TSEN15: variants seen among roughly 807,000 people sequenced by gnomAD.
TSEN15 encodes tRNA-splicing endonuclease subunit Sen15.
TSEN15 carries 10 observed loss-of-function variants against 20.5 expected under a neutral mutation model. The observed-to-expected ratio is 0.49, with a 90% CI of 0.30 to 0.83. The LOEUF is 0.83. Among genes scored for constraint, TSEN15 ranks in the 40% least tolerant of loss-of-function variants. TSEN15 has a pLI of 0.06. For synonymous variants in TSEN15, 72 were observed against 80.1 expected (o/e 0.90, Z 0.54); for missense variants, 180 against 218.6 (o/e 0.82, Z 1.11).
At chr1:184,062,545 G>A (rs930560134) in intron 3 of TSEN15, among the ~76,000 whole-genome samples, 1 of 151,990 alleles carries the variant, frequency 6.6e-6, no homozygotes. Context: ...ACCACCTTGG[G>A]TCCATTGGTA....
At chr1:184,085,370 C>A (rs922969904) in intron 3 of TSEN15, among the ~76,000 whole-genome samples, 3 of 152,148 alleles carry the variant, frequency 2.0e-5, no homozygotes, top group Admixed American at 1.3e-4. Context: ...GATATAAGGA[C>A]CTTATTTTGT....
chr1:184,063,885 T>TA (rs1212924349), intron 3 of TSEN15, among the ~76,000 whole-genome samples: 5 of 152,262 alleles, frequency 3.3e-5, no homozygotes, highest in African/African-American at 1.2e-4. Context: ...TACCCATCAC[T>TA]AAAAATGTTA....
chr1:184,067,202 T>A (rs535174734), intron 3 of TSEN15, among the ~76,000 whole-genome samples: 4 of 152,308 alleles, frequency 2.6e-5, no homozygotes, highest in Non-Finnish European at 4.4e-5. Context: ...ACCCTGTCAA[T>A]TCCTTAAAAT....
downstream of TSEN15, among the ~76,000 whole-genome samples, chr1:184,077,205 C>T (rs1189340696): frequency 1.3e-5 from 2 of 152,040 alleles, no homozygotes; most frequent in African/African-American, 4.8e-5. Context: ...AGCCAATGTT[C>T]ATTTACCATT....
At chr1:184,076,227 TTC>T (rs1251030648), downstream of TSEN15, among the ~76,000 whole-genome samples, 1 of 152,136 alleles carries the variant, frequency 6.6e-6, no homozygotes, top group Non-Finnish European at 1.5e-5. Flanking sequence ...TTTCATGTCT[TTC>T]TGTCATATTT....
At position 184,080,845 on chromosome 1, in the gene TSEN15, G is replaced by A. The variant is rs77554647; in HGVS notation, c.354-14845G>A. The stretch of plus-strand genomic sequence containing the variant: ...AAGACCATTGCACCTCAATGATCTT[G>A]CACCCCAAGTATTCCTCAGATCTGC... On this transcript the variant is annotated intron_variant, in intron 3 of 3. Coordinates refer to the TSEN15 transcript ENST00000643231. Among the ~76,000 whole-genome samples, 1,128 of 152,164 alleles carry A rather than the reference G, an allele frequency of 7.4e-3. 8 individuals carry two copies. The highest frequency in any genetic ancestry group is 0.025 in the African/African-American group (1,045 of 41,540).
Position 184,054,766 on chromosome 1 carries a change from G to A in TSEN15, c.256G>A (p.Glu86Lys), listed in dbSNP as rs1056879119. 6.2e-7 allele frequency: 1 copy of A among 1,612,370 alleles called. No individual in the cohort carries two copies. Among genetic ancestry groups the A allele is most frequent in the East Asian group, 2.2e-5 (1 of 44,860 alleles). Residue 86 changes from glutamate (E) to lysine (K), a missense_variant, in exon 3 of 5, where the codon GAA (glutamate) becomes AAA (lysine). Physicochemically the swap from Glu to Lys is moderately conservative, Grantham distance 56 (BLOSUM62 1). Coordinates refer to ENST00000645668, the MANE Select transcript of TSEN15 (RefSeq NM_052965.4). ...WHEVNCVGLP[E>K]LQLICLVGTE... ...TGAAGTAAACTGTGTAGGATTACCA[G>A]AACTCCAGCTCATCTGCCTTGTTGG...
At chr1:184,089,424 G>A (rs1283628094) in intron 3 of TSEN15, among the ~76,000 whole-genome samples, 2 of 152,150 alleles carry the variant, frequency 1.3e-5, no homozygotes, top group South Asian at 2.1e-4. Context: ...GCAGACCTAT[G>A]TGAGGTATTG....
At chr1:184,092,178 A>G (rs986448101) in intron 3 of TSEN15, among the ~76,000 whole-genome samples, 2 of 152,156 alleles carry the variant, frequency 1.3e-5, no homozygotes, top group Non-Finnish European at 2.9e-5. Context: ...TCTGCTAAGA[A>G]CTCGTTTGCA....
At chr1:184,055,852 C>T (rs920368254) in intron 3 of TSEN15, among the ~76,000 whole-genome samples, 3 of 152,058 alleles carry the variant, frequency 2.0e-5, no homozygotes, top group Non-Finnish European at 4.4e-5. Flanking sequence ...AAACTAGATT[C>T]TTGATAATAA....
At position 184,058,031 on chromosome 1, in the gene TSEN15, A is replaced by G. The variant is rs537132323; in HGVS notation, c.353+3168A>G. Reference sequence around the variant, plus strand: ...TTATTTGTTTGGACAAGGAGCTACTATTTGAAATTAACCTGCATTTATTCC... The same window carrying G: ...TTATTTGTTTGGACAAGGAGCTACTGTTTGAAATTAACCTGCATTTATTCC... On this transcript the variant is annotated intron_variant, in intron 3 of 4. Transcript: ENST00000645668. 23 of 314,082 alleles carry G rather than the reference A, an allele frequency of 7.3e-5. No homozygotes were observed. In the East Asian group the frequency reaches 1.8e-3, roughly 25 times the overall value. 19.5% of individuals were successfully genotyped at this position (314,082 alleles called of 1,614,324 possible).
chr1:184,072,962 C>G lies in TSEN15; in HGVS notation c.*115C>G. On this transcript the variant is annotated 3_prime_UTR_variant, in exon 5 of 5. Transcript: ENST00000645668. Reference sequence around the variant, plus strand: ...TGACGTACATAGTGAGGGTTGACTTCCCCATTCCATAAGGTTTTCATTCTG... The same window carrying G: ...TGACGTACATAGTGAGGGTTGACTTGCCCATTCCATAAGGTTTTCATTCTG... 1.0e-6 allele frequency: 1 copy of G among 983,374 alleles called. No individual in the cohort carries two copies. The highest frequency in any genetic ancestry group is 1.5e-6 in the Non-Finnish European group (1 of 657,062). 60.9% of individuals were successfully genotyped at this position (983,374 alleles called of 1,614,324 possible).
At chr1:184,061,548 A>G (rs1260067445) in intron 3 of TSEN15, among the ~76,000 whole-genome samples, 2 of 152,174 alleles carry the variant, frequency 1.3e-5, no homozygotes, top group South Asian at 2.1e-4. Context: ...TGTCATTTAC[A>G]TAGTTAACTA....
intron 3 of TSEN15, among the ~76,000 whole-genome samples, chr1:184,058,583 T>G (rs1377659689): frequency 6.6e-6 from 1 of 152,082 alleles, no homozygotes; most frequent in African/African-American, 2.4e-5. Context: ...ATGTTATATA[T>G]CTAACAGTAA....
intron 3 of TSEN15, among the ~76,000 whole-genome samples, chr1:184,060,997 T>C (rs1650433741): frequency 1.3e-5 from 2 of 152,158 alleles, no homozygotes; most frequent in Admixed American, 1.3e-4. Context: ...ATCCCAATCA[T>C]AATCTTTCTT....
downstream of TSEN15, chr1:184,074,277 T>G (rs1651012976): frequency 6.6e-6 from 1 of 152,176 alleles, no homozygotes; most frequent in Non-Finnish European, 1.5e-5. Flanking sequence ...ATGTAGCAAC[T>G]TAAAACAGCA....
At chr1:184,069,800 T>C (rs1207280616) in intron 3 of TSEN15, among the ~76,000 whole-genome samples, 1 of 152,068 alleles carries the variant, frequency 6.6e-6, no homozygotes. Context: ...TTAAACATAC[T>C]TGAAAAATCG....
intron 3 of TSEN15, among the ~76,000 whole-genome samples, chr1:184,057,543 T>C (rs985219465): frequency 7.2e-5 from 11 of 152,308 alleles, no homozygotes; most frequent in African/African-American, 2.6e-4. Context: ...AACATTTTGT[T>C]TGATGTTTAG....
chr1:184,084,463 T>C (rs1651226111), intron 3 of TSEN15, among the ~76,000 whole-genome samples: 1 of 151,816 alleles, frequency 6.6e-6, no homozygotes. Context: ...ATAAATCCTT[T>C]TGATTATTAT....
Sources: gnomAD v4.1 joint callset for allele counts (sites outside exome capture counted in the v4.1 genomes callset) on GRCh38, gnomAD v4.1.1 for gene constraint, MANE v1.5 for transcripts, NCBI Gene and HGNC (gene_info 2026-07-23, HGNC 2026-07-21) for gene names.